The following CIT variants were observed in gnomAD, a reference collection of about 807,000 sequenced individuals.
CIT encodes citron Rho-interacting kinase.
In CIT, 79 loss-of-function variants were observed where a neutral mutation model predicts 272.7. The observed-to-expected ratio is 0.29, with a 90% CI of 0.24 to 0.35. The LOEUF is 0.35. CIT is among the 10% of genes least tolerant of loss of function. The probability of loss-of-function intolerance (pLI) is 1.00; values close to 1 mark genes in which losing one functional copy is unlikely to be tolerated. For synonymous variants in CIT, 948 were observed against 995.6 expected (o/e 0.95, Z 0.90); for missense variants, 1,909 against 2,618.3 (o/e 0.73, Z 5.91).
At chr12:119,822,728 A>C (rs1967825141) in intron 9 of CIT, 92 bp downstream of exon 9, 1 of 1,355,356 alleles carries the variant, frequency 7.4e-7, no homozygotes. Context: ...TATGTAATTT[A>C]CAGAAGCTTC....
chr12:119,789,164 G>A (rs1482927519), intron 10 of CIT, among the ~76,000 whole-genome samples: 6 of 152,146 alleles, frequency 3.9e-5, no homozygotes, highest in South Asian at 4.1e-4. Flanking sequence ...GTGTGGCCCC[G>A]GGAAGCAACA....
At chr12:119,868,252 A>G (rs1950570838) in intron 3 of CIT, among the ~76,000 whole-genome samples, 1 of 152,230 alleles carries the variant, frequency 6.6e-6, no homozygotes, top group Non-Finnish European at 1.5e-5. Flanking sequence ...TTTTATGACT[A>G]CATTAGTATA....
rs561095811 is a variant in CIT at position 119,719,952 on chromosome 12, G to A, written c.3840+526C>T. On this transcript the variant is annotated intron_variant, in intron 30 of 47. Transcript: ENST00000392521. ...AATCTAAAAGGGTTGTTCAGTACTT[G>A]GCAGAGGGGAGAAGTGTCCAGTCAG... is the stretch of plus-strand genomic sequence containing the variant. Among the ~76,000 whole-genome samples, 47 of 152,282 alleles carry A rather than the reference G, an allele frequency of 3.1e-4. 1 individual carries two copies. Among genetic ancestry groups the A allele is most frequent in the African/African-American group, 1.1e-3 (46 of 41,554 alleles).
chr12:119,831,578 G>GA (rs1408133961), intron 7 of CIT, among the ~76,000 whole-genome samples: 1 of 151,930 alleles, frequency 6.6e-6, no homozygotes, highest in East Asian at 1.9e-4. Flanking sequence ...AGCAGTTTAA[G>GA]AAAAAAAAGA....
At chr12:119,846,454 T>A (rs1317236827) in intron 5 of CIT, among the ~76,000 whole-genome samples, 2 of 152,128 alleles carry the variant, frequency 1.3e-5, no homozygotes. Flanking sequence ...TATGGAGCAG[T>A]GCAAGGTAGA....
rs199525281 is a variant in CIT, at chr12:119,712,287, G to A, written c.4745C>T (p.Thr1582Ile). 90 of 1,614,028 alleles carry A rather than the reference G, an allele frequency of 5.6e-5. No individual in the cohort carries two copies. The highest frequency in any genetic ancestry group is 7.4e-5 in the Non-Finnish European group (87 of 1,179,996). The change falls in exon 37 of 48, where the codon ACC (threonine) becomes ATC (isoleucine). Residue 1582 changes from threonine to isoleucine, a missense_variant. Around this residue, in one of 8 missense-constraint regions of CIT, gnomAD observed 780 missense variants for 1,067.2 expected, o/e 0.73. Coordinates refer to ENST00000392521, the MANE Select transcript of CIT (RefSeq NM_001206999.2). This position sits in a 1 kb window ranked among gnomAD's most constrained non-coding sequence, Gnocchi z 5.2. Reference protein sequence around the residue: ...HPHTTCWPGRTLYLLAPSFPD... With the variant: ...HPHTTCWPGRILYLLAPSFPD... ...GAAGCTGGGAGCTAGCAAGTAGAGGGTTCTCCCGGGCCAGCAGGTGGTGTG... is the reference window on the plus strand; with the variant it reads ...GAAGCTGGGAGCTAGCAAGTAGAGGATTCTCCCGGGCCAGCAGGTGGTGTG...
chr12:119,749,836 C>A (rs1959967490), intron 23 of CIT, among the ~76,000 whole-genome samples: 1 of 152,094 alleles, frequency 6.6e-6, no homozygotes, highest in South Asian at 2.1e-4. Flanking sequence ...CACATTCCAA[C>A]CAGCAGCAAG....
chr12:119,775,775 C>T lies in CIT; in HGVS notation c.1941+11G>A. ...GGGGGGTAAGTTCCTGAAAAATCAC[C>T]TTGGGCTTACCTTCTCCAGTTTCTC... On this transcript the variant is annotated intron_variant, in intron 16 of 47. Coordinates refer to ENST00000392521, the MANE Select transcript of CIT (RefSeq NM_001206999.2). 2.5e-6 allele frequency: 4 copies of T among 1,611,932 alleles called. No homozygotes were observed. In the East Asian group the frequency reaches 8.9e-5, roughly 36 times the overall value.
chr12:119,812,619 T>C (rs1966859671), intron 9 of CIT, among the ~76,000 whole-genome samples: 1 of 152,040 alleles, frequency 6.6e-6, no homozygotes, highest in African/African-American at 2.4e-5. Flanking sequence ...TTTTTTATTA[T>C]TATTTTTTGG....
chr12:119,846,450 G>A (rs566190874), intron 5 of CIT, among the ~76,000 whole-genome samples: 1 of 152,330 alleles, frequency 6.6e-6, no homozygotes, highest in East Asian at 1.9e-4. Context: ...AGTTTATGGA[G>A]CAGTGCAAGG....
chr12:119,747,861 T>C (rs1460008605), intron 23 of CIT, among the ~76,000 whole-genome samples: 2 of 152,212 alleles, frequency 1.3e-5, no homozygotes, highest in Non-Finnish European at 2.9e-5. Flanking sequence ...CATCTTAGTA[T>C]TGTTATGAAA....
chr12:119,773,014 TAA>T (rs11437987), intron 16 of CIT, 104 bp from the exon 17 acceptor site: 5,292 of 572,386 alleles, frequency 9.2e-3, no homozygotes, highest in Middle Eastern at 0.01. Context: ...AAGTATAATC[TAA>T]AAAAAAAAAA....
Position 119,712,084 on chromosome 12 carries a change from A to C in CIT, c.4854+94T>G. ...CCCTCAGAGAGAGAGCCTGAGGGGA[A>C]TCAAAATGGCCAATGGGATTCTCGT... On this transcript the variant is annotated intron_variant, in intron 37 of 47. Coordinates refer to ENST00000392521, the MANE Select transcript of CIT (RefSeq NM_001206999.2). This position sits in a 1 kb window ranked among gnomAD's most constrained non-coding sequence, Gnocchi z 5.2. 7.3e-6 allele frequency: 9 copies of C among 1,240,014 alleles called. No individual in the cohort carries two copies. Among genetic ancestry groups the C allele is most frequent in the Non-Finnish European group, 7.9e-6 (7 of 888,100 alleles). The allele number at this position is 1,240,014 out of a possible 1,614,324, so 76.8% of individuals were successfully genotyped here. A position where few individuals can be genotyped will look rare whatever the true frequency, so the allele number is the denominator to read the frequency against.
intron 19 of CIT, among the ~76,000 whole-genome samples, chr12:119,761,500 C>G (rs957527471): frequency 6.6e-6 from 1 of 152,142 alleles, no homozygotes; most frequent in Admixed American, 6.5e-5. Context: ...CTAATTTATA[C>G]AGATTAATTC....
intron 41 of CIT, 67 bp downstream of exon 41, chr12:119,704,296 A>C: frequency 6.8e-7 from 1 of 1,475,740 alleles, no homozygotes; most frequent in Non-Finnish European, 9.5e-7. Flanking sequence ...TGCACTTTCC[A>C]CACTGGCTCG....
intron 9 of CIT, among the ~76,000 whole-genome samples, chr12:119,805,347 G>A (rs1042052281): frequency 6.6e-6 from 1 of 152,148 alleles, no homozygotes; most frequent in Non-Finnish European, 1.5e-5. Context: ...TATTTCAATG[G>A]ACTATTAGGA....
chr12:119,699,368 C>T (rs899680080), intron 44 of CIT, among the ~76,000 whole-genome samples: 2 of 151,800 alleles, frequency 1.3e-5, no homozygotes, highest in Non-Finnish European at 2.9e-5. Flanking sequence ...GACAGTGTCA[C>T]TGAAACTAGA....
intron 10 of CIT, among the ~76,000 whole-genome samples, chr12:119,801,091 T>C (rs1339963836): frequency 2.6e-5 from 4 of 152,260 alleles, no homozygotes; most frequent in Non-Finnish European, 4.4e-5. Context: ...GATGCCATCG[T>C]CCAAATAAGA....
At chr12:119,796,656 G>T (rs1321578336) in intron 10 of CIT, among the ~76,000 whole-genome samples, 1 of 152,158 alleles carries the variant, frequency 6.6e-6, no homozygotes, top group Non-Finnish European at 1.5e-5. Flanking sequence ...AGTGTACGAT[G>T]GGAGGAGGCC....
Sources: allele counts gnomAD v4.1 joint callset (sites outside exome capture counted in the v4.1 genomes callset), GRCh38; gene constraint gnomAD v4.1.1; regional missense constraint gnomAD v4.1.1; non-coding constraint Gnocchi (gnomAD v3.1); transcripts MANE v1.5; gene names NCBI Gene and HGNC (gene_info 2026-07-23, HGNC 2026-07-21).